HAVCR1: variants seen among roughly 807,000 people sequenced by gnomAD.
The protein encoded by HAVCR1 is hepatitis A virus cellular receptor 1.
Under a neutral mutation model 32.0 loss-of-function variants are expected in HAVCR1, and 34 were observed. That is an observed-to-expected ratio of 1.06 (90% confidence interval 0.81 to 1.42). The LOEUF is 1.42. HAVCR1 is among the 40% of genes most tolerant of loss of function. The pLI is 0.00. For synonymous variants in HAVCR1, 178 were observed against 170.3 expected, an observed-to-expected ratio of 1.05 and a Z score of -0.35; for missense variants, 420 against 442.3, an observed-to-expected ratio of 0.95 and a Z score of 0.45.
intron 6 of HAVCR1, among the ~76,000 whole-genome samples, chr5:157,038,624 C>A (rs1232711643): frequency 2.0e-5 from 3 of 152,140 alleles, no homozygotes; most frequent in African/African-American, 7.2e-5. Flanking sequence ...GCATTTGAGC[C>A]ATGCTTGCTT....
upstream of HAVCR1, among the ~76,000 whole-genome samples, chr5:157,059,875 G>A (rs13169177): frequency 0.016 from 2,405 of 152,206 alleles, 32 homozygotes; most frequent in African/African-American, 0.033. Context: ...CGTAGTCCCA[G>A]CTACTCAGGA....
rs1197486596 is a variant in HAVCR1 at position 157,044,506 on chromosome 5, AGG to A, written c.782-1826_782-1825del. On this transcript the variant is annotated intron_variant, in intron 5 of 8. Coordinates refer to ENST00000523175, the MANE Select transcript of HAVCR1 (RefSeq NM_001173393.3). ...AAGGAAGGAAGGAAGGAAGGAAGGA[AGG>A]AGGAAGGAAGGAAAGAAAGAAAGGA... Among the ~76,000 whole-genome samples, 220 of 127,944 alleles carry A rather than the reference AGG, an allele frequency of 1.7e-3. 6 individuals are homozygous for A. Among genetic ancestry groups the A allele is most frequent in the African/African-American group, 6.6e-3 (210 of 31,652 alleles). The allele number at this position is 127,944 out of a possible 152,430, so 83.9% of individuals were successfully genotyped here.
chr5:157,056,613 C>G (rs998842170), intron 2 of HAVCR1, among the ~76,000 whole-genome samples: 2 of 151,734 alleles, frequency 1.3e-5, no homozygotes, highest in African/African-American at 4.8e-5. Flanking sequence ...ATTTCCTGAC[C>G]TCGTGATCTG....
chr5:157,055,033 T>G (rs773982401), intron 3 of HAVCR1, among the ~76,000 whole-genome samples, 168 bp downstream of exon 3: 1 of 152,200 alleles, frequency 6.6e-6, no homozygotes, highest in Non-Finnish European at 1.5e-5. Context: ...TGAATTATGC[T>G]TGGCCTTGTA....
intron 2 of HAVCR1, 63 bp downstream of exon 2, chr5:157,057,835 C>G (rs1756307897): frequency 1.7e-6 from 2 of 1,186,248 alleles, no homozygotes; most frequent in Non-Finnish European, 2.5e-6. Context: ...TCCCCTACCC[C>G]ATTCTCTGGC....
upstream of HAVCR1, among the ~76,000 whole-genome samples, chr5:157,063,519 A>G (rs1756537006): frequency 6.6e-6 from 1 of 152,000 alleles, no homozygotes; most frequent in African/African-American, 2.4e-5. Context: ...TCCTGACCTC[A>G]AGTGATCTGC....
At chr5:157,038,518 T>A (rs1160291590) in intron 6 of HAVCR1, among the ~76,000 whole-genome samples, 1 of 152,204 alleles carries the variant, frequency 6.6e-6, no homozygotes, top group Non-Finnish European at 1.5e-5. Context: ...TATTTCTATG[T>A]CTAGCAATAG....
chr5:157,057,777 G>T, intron 2 of HAVCR1, 121 bp downstream of exon 2: 1 of 748,736 alleles, frequency 1.3e-6, no homozygotes, highest in South Asian at 1.6e-5. Flanking sequence ...CCATACAACG[G>T]TACCCAAAGA....
At chr5:157,059,629 C>G (rs1756426016), upstream of HAVCR1, among the ~76,000 whole-genome samples, 1 of 152,132 alleles carries the variant, frequency 6.6e-6, no homozygotes, top group Non-Finnish European at 1.5e-5. Flanking sequence ...GAGCCGAGAT[C>G]AAGCCATTGC....
chr5:157,060,192 A>T (rs1756447697), upstream of HAVCR1, among the ~76,000 whole-genome samples: 1 of 152,048 alleles, frequency 6.6e-6, no homozygotes, highest in African/African-American at 2.4e-5. Context: ...TCCCCCACTT[A>T]TAACCCTCTC....
At chr5:157,040,255 G>A (rs992245280) in intron 6 of HAVCR1, among the ~76,000 whole-genome samples, 2 of 151,516 alleles carry the variant, frequency 1.3e-5, no homozygotes, top group South Asian at 2.1e-4. Flanking sequence ...CCAAGATCGC[G>A]CCATTGCCCT....
chr5:157,039,668 G>T (rs1415083684), intron 6 of HAVCR1, among the ~76,000 whole-genome samples: 2 of 152,144 alleles, frequency 1.3e-5, no homozygotes, highest in Admixed American at 1.3e-4. Context: ...ATTCTTTACG[G>T]CAATACGTGC....
the HAVCR1 span, among the ~76,000 whole-genome samples, chr5:157,066,922 A>T: frequency 6.6e-6 from 1 of 152,162 alleles, no homozygotes; most frequent in Non-Finnish European, 1.5e-5. Context: ...CCCTGTCTCT[A>T]CTAAAAATAC....
At chr5:157,044,611 GAAAGAGAAAGAAAGAAAGA>G (rs1390954065) in intron 5 of HAVCR1, among the ~76,000 whole-genome samples, 3 of 67,070 alleles carry the variant, frequency 4.5e-5, no homozygotes, top group Non-Finnish European at 7.8e-5. Flanking sequence ...AAGAAAGAAA[GAAAGAGAAAGAAAGAAAGA>G]AAGAAAGAAA....
chr5:157,052,293 A>C (rs939748294), intron 4 of HAVCR1, 68 bp downstream of exon 4: 1 of 1,379,468 alleles, frequency 7.2e-7, no homozygotes, highest in African/African-American at 1.4e-5. Flanking sequence ...CTACCTTGAT[A>C]CAATGCCCTG....
At chr5:157,050,311 A>G (rs1310065582) in intron 4 of HAVCR1, among the ~76,000 whole-genome samples, 1 of 152,204 alleles carries the variant, frequency 6.6e-6, no homozygotes, top group Non-Finnish European at 1.5e-5. Flanking sequence ...CTTGAGCTTA[A>G]CTTCTTTCCT....
intron 5 of HAVCR1, among the ~76,000 whole-genome samples, chr5:157,043,185 T>C: frequency 6.6e-6 from 1 of 152,202 alleles, no homozygotes; most frequent in East Asian, 1.9e-4. Flanking sequence ...GGCATATAAC[T>C]CCTGTGTTGT....
At chr5:157,054,190 C>CAAA (rs900551230) in intron 3 of HAVCR1, among the ~76,000 whole-genome samples, 45 of 42,090 alleles carry the variant, frequency 1.1e-3, no homozygotes, top group Middle Eastern at 0.013. Context: ...GACTCCATCT[C>CAAA]AAAAAAAAAA....
upstream of HAVCR1, among the ~76,000 whole-genome samples, chr5:157,062,380 A>G (rs948698490): frequency 2.0e-5 from 3 of 152,218 alleles, no homozygotes; most frequent in African/African-American, 7.2e-5. Flanking sequence ...CTCAAAAAAA[A>G]GAAAGAATTC....
Sources: gnomAD v4.1 joint callset for allele counts (sites outside exome capture counted in the v4.1 genomes callset) on GRCh38, gnomAD v4.1.1 for gene constraint, MANE v1.5 for transcripts, NCBI Gene and HGNC (gene_info 2026-07-23, HGNC 2026-07-21) for gene names.